SRBD1: variants seen among roughly 807,000 people sequenced by gnomAD.
SRBD1 encodes the protein S1 RNA-binding domain-containing protein 1.
A neutral mutation model predicts 115.3 loss-of-function variants in SRBD1; 88 were observed. The ratio of observed to expected loss-of-function variants is 0.76; its 90% CI spans 0.64 to 0.91. The LOEUF is 0.91. Among genes scored for constraint, SRBD1 ranks in the 40% least tolerant of loss-of-function variants. SRBD1 has a pLI of 0.00. For synonymous variants in SRBD1, 509 were observed against 407.7 expected (o/e 1.25, Z -2.99); for missense variants, 1,385 against 1,177.4 (o/e 1.18, Z -2.58).
At chr2:45,410,290 T>C (rs61298700) in intron 19 of SRBD1, among the ~76,000 whole-genome samples, 52,230 of 151,998 alleles carry the variant, frequency 0.34, 10,023 homozygotes, top group Non-Finnish European at 0.44. Flanking sequence ...ATGGTGAAAG[T>C]GTAAAATGTG....
chr2:45,564,334 T>A lies in SRBD1; in HGVS notation c.1306-1578A>T, dbSNP rs575355577. Among the ~76,000 whole-genome samples, 11 of 152,260 alleles carry A rather than the reference T, an allele frequency of 7.2e-5. No individual in the cohort carries two copies. The South Asian group carries it at 2.3e-3, about 32-fold the overall frequency. On this transcript the variant is annotated intron_variant, in intron 9 of 20. Transcript: ENST00000263736. ...GGCTTGTGCACAGAAATCTCACAGC[T>A]AACATCATATTTACTGGTCAAAGAC...
intron 15 of SRBD1, among the ~76,000 whole-genome samples, chr2:45,479,643 G>A (rs1305714529): frequency 6.6e-6 from 1 of 152,194 alleles, no homozygotes; most frequent in Non-Finnish European, 1.5e-5. Context: ...AAGGAAAGAA[G>A]CCATCTTCCT....
At chr2:45,569,445 C>G (rs1026724100) in intron 9 of SRBD1, 20 of 152,226 alleles carry the variant, frequency 1.3e-4, no homozygotes, top group African/African-American at 4.1e-4. Flanking sequence ...CCTCCTGCCT[C>G]AGGGTCCTGA....
intron 11 of SRBD1, 41 bp from the exon 12 acceptor site, chr2:45,551,323 A>C: frequency 6.4e-7 from 1 of 1,560,948 alleles, no homozygotes; most frequent in Non-Finnish European, 8.6e-7. Context: ...TCATTCACCC[A>C]AATTTTCTTT....
chr2:45,466,221 T>A (rs142476182), intron 16 of SRBD1, among the ~76,000 whole-genome samples: 1 of 152,284 alleles, frequency 6.6e-6, no homozygotes, highest in Non-Finnish European at 1.5e-5. Flanking sequence ...AGATAAGAAA[T>A]GTAGGGGAAC....
intron 3 of SRBD1, 142 bp downstream of exon 3, chr2:45,601,761 A>G: frequency 8.8e-7 from 1 of 1,141,046 alleles, no homozygotes; most frequent in Non-Finnish European, 1.2e-6. Context: ...TACAGACCCA[A>G]AAATTAAGAC....
chr2:45,588,846 C>T (rs1393607843), intron 4 of SRBD1, among the ~76,000 whole-genome samples: 2 of 152,186 alleles, frequency 1.3e-5, no homozygotes, highest in East Asian at 3.8e-4. Context: ...TTTCAGTGAA[C>T]TGACCAAAAA....
chr2:45,543,438 G>A (rs1163733380), intron 14 of SRBD1, among the ~76,000 whole-genome samples: 3 of 152,174 alleles, frequency 2.0e-5, no homozygotes, highest in Non-Finnish European at 2.9e-5. Flanking sequence ...AAAGAGTGTT[G>A]GAAGGAACAG....
chr2:45,493,441 C>G (rs913925343), intron 14 of SRBD1, among the ~76,000 whole-genome samples: 2 of 152,130 alleles, frequency 1.3e-5, no homozygotes, highest in African/African-American at 4.8e-5. Context: ...AATATCAAAG[C>G]AATTTTAAAT....
At chr2:45,522,301 T>G (rs541527910) in intron 14 of SRBD1, among the ~76,000 whole-genome samples, 2 of 152,180 alleles carry the variant, frequency 1.3e-5, no homozygotes, top group East Asian at 3.9e-4. Flanking sequence ...GCCTCCCAAG[T>G]AGCTGTAGCT....
intron 19 of SRBD1, among the ~76,000 whole-genome samples, chr2:45,393,849 C>A (rs1454136118): frequency 1.3e-5 from 2 of 152,118 alleles, no homozygotes; most frequent in South Asian, 2.1e-4. Context: ...TTACATATTG[C>A]CAGCTTTTGA....
At chr2:45,543,550 A>T (rs1672015211) in intron 14 of SRBD1, among the ~76,000 whole-genome samples, 1 of 152,236 alleles carries the variant, frequency 6.6e-6, no homozygotes, top group African/African-American at 2.4e-5. Flanking sequence ...TTCAGAAGGT[A>T]TTAAAAATGG....
chr2:45,589,500 C>G (rs1023182776), intron 4 of SRBD1, among the ~76,000 whole-genome samples: 1 of 152,180 alleles, frequency 6.6e-6, no homozygotes, highest in East Asian at 1.9e-4. Context: ...GAATGCTCAT[C>G]ATTTTGGAAC....
intron 18 of SRBD1, among the ~76,000 whole-genome samples, chr2:45,416,811 T>C (rs1667846012): frequency 1.3e-5 from 2 of 152,266 alleles, no homozygotes; most frequent in South Asian, 4.1e-4. Context: ...TAGGATCTTG[T>C]TCTGTCGCCC....
intron 18 of SRBD1, 139 bp downstream of exon 18, chr2:45,418,226 G>T: frequency 1.1e-6 from 1 of 943,502 alleles, no homozygotes; most frequent in East Asian, 2.6e-5. Flanking sequence ...GCCTACCAAA[G>T]GACAGTCACT....
intron 4 of SRBD1, among the ~76,000 whole-genome samples, chr2:45,597,280 C>T (rs1157253589): frequency 6.6e-6 from 1 of 151,952 alleles, no homozygotes; most frequent in African/African-American, 2.4e-5. Context: ...ATTAGCCAGG[C>T]GTGGTGGCAC....
chr2:45,419,665 T>A (rs1410765169), intron 17 of SRBD1, 123 bp downstream of exon 17: 2 of 741,012 alleles, frequency 2.7e-6, no homozygotes, highest in Admixed American at 4.1e-5. Flanking sequence ...AAGCAATGTA[T>A]AAACCCATAG....
At chr2:45,516,604 C>G (rs1029635245) in intron 14 of SRBD1, among the ~76,000 whole-genome samples, 2 of 152,154 alleles carry the variant, frequency 1.3e-5, no homozygotes, top group African/African-American at 4.8e-5. Context: ...CTACATTGCT[C>G]TTTGGATTAT....
intron 16 of SRBD1, among the ~76,000 whole-genome samples, chr2:45,467,577 ATTAT>A (rs767106167): frequency 3.3e-5 from 5 of 152,138 alleles, no homozygotes; most frequent in Admixed American, 6.6e-5. Context: ...GGGAAAAATA[ATTAT>A]TTAATTCCTA....
Sources: gnomAD v4.1 joint callset for allele counts (sites outside exome capture counted in the v4.1 genomes callset) on GRCh38, gnomAD v4.1.1 for gene constraint, MANE v1.5 for transcripts, NCBI Gene and HGNC (gene_info 2026-07-23, HGNC 2026-07-21) for gene names.